MARF1: variants seen among roughly 807,000 people sequenced by gnomAD.
The protein encoded by MARF1 is limkain-b1.
In MARF1, 24 loss-of-function variants were observed where a neutral mutation model predicts 168.2. That is an observed-to-expected ratio of 0.14 (90% confidence interval 0.10 to 0.20). MARF1 has a LOEUF of 0.20. MARF1 is among the 10% of genes least tolerant of loss of function. MARF1 has a pLI of 1.00. For synonymous variants in MARF1, 868 were observed against 822.4 expected, an observed-to-expected ratio of 1.06 and a Z score of -0.95; for missense variants, 1,744 against 2,143.6, an observed-to-expected ratio of 0.81 and a Z score of 3.68.
chr16:15,603,901 A>G (rs1438760947), intron 22 of MARF1, among the ~76,000 whole-genome samples: 1 of 152,142 alleles, frequency 6.6e-6, no homozygotes, highest in Non-Finnish European at 1.5e-5. Context: ...AACACACCCC[A>G]GAGCCAGGAT....
chr16:15,619,018 G>A lies in MARF1; in HGVS notation c.2720+1433C>T, dbSNP rs143875303. On this transcript the variant is annotated intron_variant, in intron 13 of 26. Coordinates refer to ENST00000396368, the MANE Select transcript of MARF1 (RefSeq NM_014647.4). ...TGGCTGGACGTGGTGGCCCGTGCCT[G>A]TAATTCCAGCACTTTGGGAGGCCTA... Among the ~76,000 whole-genome samples, 1,336 of 152,386 alleles carry A rather than the reference G, an allele frequency of 8.8e-3. 18 individuals are homozygous for A. Among genetic ancestry groups the A allele is most frequent in the Middle Eastern group, 0.02 (6 of 294 alleles).
At chr16:15,618,612 C>T (rs2151166852) in intron 13 of MARF1, among the ~76,000 whole-genome samples, 1 of 152,206 alleles carries the variant, frequency 6.6e-6, no homozygotes, top group East Asian at 1.9e-4. Flanking sequence ...TGGGTGCTCG[C>T]CCACATCCCT....
At position 15,607,419 on chromosome 16, in the gene MARF1, G is replaced by A. The variant is rs146006989; in HGVS notation, c.4182+872C>T. ...CAAAAACTAGCTGGGCGTAGTGGCG[G>A]GCGCCTGTAATCCCAGCTACCCAGG... On this transcript the variant is annotated intron_variant, in intron 21 of 26. Transcript: ENST00000396368. Among the ~76,000 whole-genome samples, 1,135 of 152,130 alleles carry A rather than the reference G, an allele frequency of 7.5e-3. 19 individuals carry two copies. The highest frequency in any genetic ancestry group is 0.027 in the African/African-American group (1,102 of 41,486).
chr16:15,631,637 T>C lies in MARF1; in HGVS notation c.1234-139A>G, dbSNP rs143920324. Reference sequence around the variant, plus strand: ...ACATGTGCAGAACGTGCAGGTTTGTTACATAGGTATACATGTGCCGTGGTG... The same window carrying C: ...ACATGTGCAGAACGTGCAGGTTTGTCACATAGGTATACATGTGCCGTGGTG... On this transcript the variant is annotated intron_variant, in intron 5 of 26. Transcript: ENST00000396368. 1.9e-3 allele frequency: 903 copies of C among 480,648 alleles called. 5 individuals carry two copies. Among genetic ancestry groups the C allele is most frequent in the African/African-American group, 0.017 (866 of 50,790 alleles). The allele number at this position is 480,648 out of a possible 1,614,324, so 29.8% of individuals were successfully genotyped here. A position where few individuals can be genotyped will look rare whatever the true frequency, so the allele number is the denominator to read the frequency against.
intron 20 of MARF1, among the ~76,000 whole-genome samples, chr16:15,609,306 A>T (rs947299984): frequency 8.7e-4 from 133 of 152,186 alleles, no homozygotes; most frequent in African/African-American, 3.0e-3. Context: ...AATTACCCCC[A>T]AAACAAGTTT....
intron 7 of MARF1, among the ~76,000 whole-genome samples, chr16:15,627,122 C>T (rs913480484): frequency 1.3e-5 from 2 of 151,476 alleles, no homozygotes; most frequent in Non-Finnish European, 2.9e-5. Flanking sequence ...GAGGCCGAGG[C>T]GGGGGGATCA....
At chr16:15,629,217 A>C (rs1841706136) in intron 7 of MARF1, among the ~76,000 whole-genome samples, 1 of 152,236 alleles carries the variant, frequency 6.6e-6, no homozygotes, top group African/African-American at 2.4e-5. Flanking sequence ...AACTACAGCC[A>C]AGTGACTAAA....
rs1402590891 is a variant in MARF1 at position 15,631,510 on chromosome 16, TATA to T, written c.1234-15_1234-13del. On this transcript the variant is annotated splice_polypyrimidine_tract_variant and intron_variant, in intron 5 of 26. Coordinates refer to ENST00000396368, the MANE Select transcript of MARF1 (RefSeq NM_014647.4). ...TGGGCAACGGTTACCTGCATTAATT[TATA>T]ATAAGGGTGAATAAGCAGGAGCTGA... The T allele has an allele frequency of 5.7e-6, 9 of 1,580,392 alleles. No individual in the cohort carries two copies. The highest frequency in any genetic ancestry group is 7.8e-6 in the Non-Finnish European group (9 of 1,150,760).
chr16:15,604,284 A>G lies in MARF1; in HGVS notation c.4297T>C (p.Ser1433Pro). 1 of 1,614,136 alleles carries G rather than the reference A, an allele frequency of 6.2e-7. No individual in the cohort carries two copies. The highest frequency in any genetic ancestry group is 8.5e-7 in the Non-Finnish European group (1 of 1,179,982). The change falls in exon 22 of 27, where the codon TCT (serine) becomes CCT (proline). Residue 1433 changes from serine to proline, a missense_variant. Transcript: ENST00000396368. ...TAATGTCTCTTGAGCTCCTCAACAG[A>G]AAGATGGGTGGTTCCTTCCCAAGAC... Reference protein sequence around the residue: ...LMSWEGTTHLSVEELKRHYES... With the variant: ...LMSWEGTTHLPVEELKRHYES...
At position 15,623,910 on chromosome 16, in the gene MARF1, CTTT is replaced by C. The variant is rs1168260036; in HGVS notation, c.2271-790_2271-788del. ...TTTTATAGATCCATAGTCACTTTCT[CTTT>C]TTTTTTTTTTTTTTTTGAGACGGAG... is the stretch of plus-strand genomic sequence containing the variant. On this transcript the variant is annotated intron_variant, in intron 10 of 26. Coordinates refer to ENST00000396368, the MANE Select transcript of MARF1 (RefSeq NM_014647.4). Among the ~76,000 whole-genome samples, 6 of 132,820 alleles carry C rather than the reference CTTT, an allele frequency of 4.5e-5. No individual in the cohort carries two copies. In the South Asian group the frequency reaches 7.1e-4, roughly 16 times the overall value. The allele number at this position is 132,820 out of a possible 152,430, so 87.1% of individuals were successfully genotyped here.
chr16:15,628,454 G>A (rs1391514518), intron 7 of MARF1, among the ~76,000 whole-genome samples: 1 of 151,834 alleles, frequency 6.6e-6, no homozygotes, highest in Non-Finnish European at 1.5e-5. Flanking sequence ...CTGTCACCCA[G>A]GCTGGAGTGC....
chr16:15,603,584 C>CTTTTA (rs1392049281), intron 22 of MARF1, among the ~76,000 whole-genome samples: 1 of 152,104 alleles, frequency 6.6e-6, no homozygotes, highest in East Asian at 1.9e-4. Flanking sequence ...TTTCAGTGAT[C>CTTTTA]TTTTATAGTC....
Position 15,625,909 on chromosome 16 carries a change from G to C in MARF1, c.1525-109C>G, listed in dbSNP as rs1485494605. 5 of 778,048 alleles carry C rather than the reference G, an allele frequency of 6.4e-6. No homozygotes were observed. In the African/African-American group the frequency reaches 8.7e-5, roughly 13 times the overall value. 48.2% of individuals were successfully genotyped at this position (778,048 alleles called of 1,614,324 possible). Reference sequence around the variant, plus strand: ...AAACTTCAGTTAACAACTTTGAAGAGAAGATGACAGTGATTTAGATGGGAG... The same window carrying C: ...AAACTTCAGTTAACAACTTTGAAGACAAGATGACAGTGATTTAGATGGGAG... On this transcript the variant is annotated intron_variant, in intron 7 of 26. Coordinates refer to ENST00000396368, the MANE Select transcript of MARF1 (RefSeq NM_014647.4).
At chr16:15,600,830 G>GAA in intron 23 of MARF1, 129 bp from the exon 24 acceptor site, 1 of 916,816 alleles carries the variant, frequency 1.1e-6, no homozygotes, top group Non-Finnish European at 1.8e-6. Flanking sequence ...CTGCCAAGAA[G>GAA]CATGTTTCTC....
intron 13 of MARF1, among the ~76,000 whole-genome samples, chr16:15,618,102 C>T (rs1019176896): frequency 6.6e-5 from 10 of 152,188 alleles, no homozygotes; most frequent in African/African-American, 2.4e-4. Context: ...TCAAGTTCCA[C>T]GACCAATCGG....
At chr16:15,611,206 C>T in intron 18 of MARF1, 98 bp from the exon 19 acceptor site, 1 of 1,225,852 alleles carries the variant, frequency 8.2e-7, no homozygotes, top group Non-Finnish European at 1.2e-6. Context: ...CGCCTGTAAT[C>T]CCAGCACTTT....
chr16:15,630,235 G>A, intron 7 of MARF1, 97 bp downstream of exon 7: 1 of 1,109,162 alleles, frequency 9.0e-7, no homozygotes, highest in Non-Finnish European at 1.3e-6. Flanking sequence ...ACAAAGAACA[G>A]CCCCATCTGG....
chr16:15,610,405 C>T (rs78735327), intron 19 of MARF1: 3,350 of 152,916 alleles, frequency 0.022, 120 homozygotes, highest in East Asian at 0.16. Context: ...TACCAAAATC[C>T]GCACCTACTC....
At chr16:15,611,872 G>C in intron 17 of MARF1, 138 bp from the exon 18 acceptor site, 1 of 644,442 alleles carries the variant, frequency 1.6e-6, no homozygotes, top group East Asian at 2.8e-5. Flanking sequence ...AACACATGTC[G>C]ATCAACAAAA....
Sources: allele counts gnomAD v4.1 joint callset (sites outside exome capture counted in the v4.1 genomes callset), GRCh38; gene constraint gnomAD v4.1.1; transcripts MANE v1.5; gene names NCBI Gene and HGNC (gene_info 2026-07-23, HGNC 2026-07-21).